PFKFB3: variants seen among roughly 807,000 people sequenced by gnomAD.
PFKFB3 encodes the protein 6-phosphofructo-2-kinase/fructose-2,6-bisphosphatase 3.
A neutral mutation model predicts 68.0 loss-of-function variants in PFKFB3; 33 were observed. The observed-to-expected ratio is 0.49, with a 90% CI of 0.37 to 0.65. The LOEUF (loss-of-function observed/expected upper bound fraction) is 0.65, where lower values mean the gene tolerates loss of function less well. Ranked by LOEUF, PFKFB3 falls within the 30% of genes least tolerant of loss-of-function variation. PFKFB3 has a pLI of 0.00. For synonymous variants in PFKFB3, 315 were observed against 288.2 expected (o/e 1.09, Z -0.94); for missense variants, 586 against 712.2 (o/e 0.82, Z 2.02).
At chr10:6,199,526 C>T (rs1199081835), upstream of PFKFB3, among the ~76,000 whole-genome samples, 3 of 150,956 alleles carry the variant, frequency 2.0e-5, no homozygotes, top group Non-Finnish European at 2.9e-5. Context: ...ACTCTGTCAC[C>T]CAGGCTGGAG....
the PFKFB3 span, among the ~76,000 whole-genome samples, chr10:6,307,454 A>G: frequency 1.3e-5 from 2 of 152,164 alleles, no homozygotes; most frequent in East Asian, 3.9e-4. Context: ...GAACATTTCT[A>G]TGTACTGAGA....
rs1464275338 is a variant in PFKFB3 at position 6,220,378 on chromosome 10, C to T, written c.624-280C>T. 3.3e-5 allele frequency among the ~76,000 whole-genome samples: 5 copies of T among 152,214 alleles called. No individual in the cohort carries two copies. Among genetic ancestry groups the T allele is most frequent in the South Asian group, 2.1e-4 (1 of 4,832 alleles). On this transcript the variant is annotated intron_variant, in intron 7 of 14. Coordinates refer to ENST00000379775, the MANE Select transcript of PFKFB3 (RefSeq NM_004566.4). The surrounding 1 kb of genome is among the most constrained non-coding windows in gnomAD (Gnocchi z 4.1). Reference sequence around the variant, plus strand: ...TCGGCCTCCCAAAGTGCTGGGATTACAGGCATGAGCCACTGCACAGGCCCC... The same window carrying T: ...TCGGCCTCCCAAAGTGCTGGGATTATAGGCATGAGCCACTGCACAGGCCCC...
the PFKFB3 span, among the ~76,000 whole-genome samples, chr10:6,302,827 A>T: frequency 2.0e-5 from 3 of 151,640 alleles, no homozygotes; most frequent in South Asian, 6.3e-4. Flanking sequence ...TGTGTGTTTT[A>T]TGTGATCTTT....
rs1212125294 is a variant in PFKFB3 at position 6,151,326 on chromosome 10, GCTGTA to G, written c.16+6314_16+6318del. 4.7e-3 allele frequency among the ~76,000 whole-genome samples: 711 copies of G among 152,024 alleles called. 5 individuals are homozygous for G. Among genetic ancestry groups the G allele is most frequent in the African/African-American group, 0.015 (637 of 41,464 alleles). On this transcript the variant is annotated intron_variant, in intron 1 of 14. Coordinates refer to the PFKFB3 transcript ENST00000379789. ...GGCACTTCCGCAAGCAGCCTTTCCA[GCTGTA>G]GCTCCGGAAGGTGCTCTGACATGAC...
the PFKFB3 span, among the ~76,000 whole-genome samples, chr10:6,279,994 A>G: frequency 1.3e-5 from 2 of 152,146 alleles, no homozygotes; most frequent in African/African-American, 2.4e-5. Context: ...ATAGGACCGG[A>G]TAGCTTTGGG....
chr10:6,221,173 G>A (rs569458806), intron 8 of PFKFB3, among the ~76,000 whole-genome samples: 4 of 152,216 alleles, frequency 2.6e-5, no homozygotes, highest in Admixed American at 2.0e-4. Context: ...TGATGTGTGC[G>A]CGGTTGTGCA....
the PFKFB3 span, among the ~76,000 whole-genome samples, chr10:6,269,049 A>G: frequency 6.6e-6 from 1 of 151,502 alleles, no homozygotes; most frequent in Non-Finnish European, 1.5e-5. Flanking sequence ...AAAAAAAGTT[A>G]AAGATTTTTA....
chr10:6,310,773 C>G, the PFKFB3 span, among the ~76,000 whole-genome samples: 1 of 151,872 alleles, frequency 6.6e-6, no homozygotes, highest in Non-Finnish European at 1.5e-5. Flanking sequence ...CATGTATGCT[C>G]GTAAATAAAG....
Position 6,213,603 on chromosome 10 carries a change from C to T in PFKFB3, c.77-20C>T. The T allele has an allele frequency of 6.2e-7, 1 of 1,608,456 alleles. No homozygotes were observed. Among genetic ancestry groups the T allele is most frequent in the Non-Finnish European group, 8.5e-7 (1 of 1,176,796 alleles). ...CCGGTCACTTGGTTGATGACACACC[C>T]TTCTTGCTTGTTTTTCCAGCCTGTG... On this transcript the variant is annotated intron_variant, in intron 1 of 14. Coordinates refer to ENST00000379775, the MANE Select transcript of PFKFB3 (RefSeq NM_004566.4).
chr10:6,294,987 T>TA, the PFKFB3 span, among the ~76,000 whole-genome samples: 1 of 151,470 alleles, frequency 6.6e-6, no homozygotes, highest in Non-Finnish European at 1.5e-5. Context: ...TTTTTTTTTT[T>TA]ATCATGCCTT....
At chr10:6,313,366 A>G in the PFKFB3 span, among the ~76,000 whole-genome samples, 1 of 152,200 alleles carries the variant, frequency 6.6e-6, no homozygotes, top group African/African-American at 2.4e-5. The surrounding 1 kb of genome is among the most constrained non-coding windows in gnomAD (Gnocchi z 4.2). Context: ...TATCACTATC[A>G]GTAGTTTATG....
intron 1 of PFKFB3, among the ~76,000 whole-genome samples, chr10:6,182,491 G>T (rs529069310): frequency 6.6e-6 from 1 of 152,206 alleles, no homozygotes; most frequent in Non-Finnish European, 1.5e-5. Context: ...AGAATGAGGG[G>T]CCTTTGAAGT....
At position 6,235,155 on chromosome 10, in the gene PFKFB3, C is replaced by T. The variant is rs1845962315; in HGVS notation, c.*2213C>T. The T allele has an allele frequency of 6.5e-6, 1 of 152,816 alleles. No individual in the cohort carries two copies. The highest frequency in any genetic ancestry group is 1.5e-5 in the Non-Finnish European group (1 of 68,026). 9.5% of individuals were successfully genotyped at this position (152,816 alleles called of 1,614,324 possible). The stretch of plus-strand genomic sequence containing the variant: ...TATTTGTTTTTGGGTGAGTTTCCCC[C>T]CTCCTTATTCTGTCCTGAGACCACG... On this transcript the variant is annotated 3_prime_UTR_variant, in exon 15 of 15. Transcript: ENST00000379775.
At chr10:6,173,219 C>T (rs191474319) in intron 1 of PFKFB3, among the ~76,000 whole-genome samples, 63 of 152,318 alleles carry the variant, frequency 4.1e-4, no homozygotes, top group African/African-American at 1.4e-3. Flanking sequence ...GGCATTTCCA[C>T]AGCAGAAACT....
intron 1 of PFKFB3, among the ~76,000 whole-genome samples, chr10:6,177,691 A>G (rs926089166): frequency 6.6e-6 from 1 of 151,254 alleles, no homozygotes; most frequent in African/African-American, 2.4e-5. Flanking sequence ...ATGCTGAGCT[A>G]ATTTTGTTTT....
At chr10:6,224,859 A>T (rs2132006029) in intron 13 of PFKFB3, among the ~76,000 whole-genome samples, 1 of 152,124 alleles carries the variant, frequency 6.6e-6, no homozygotes, top group South Asian at 2.1e-4. Flanking sequence ...CAGTGCTTTC[A>T]GTTTCCAGAG....
chr10:6,158,665 A>G (rs1042163453), intron 1 of PFKFB3, among the ~76,000 whole-genome samples: 1 of 152,168 alleles, frequency 6.6e-6, no homozygotes, highest in African/African-American at 2.4e-5. Flanking sequence ...CAGGAGTTCA[A>G]GACCAGCCTG....
chr10:6,225,810 C>T (rs1340025471), intron 13 of PFKFB3, among the ~76,000 whole-genome samples: 1 of 152,192 alleles, frequency 6.6e-6, no homozygotes, highest in Non-Finnish European at 1.5e-5. Flanking sequence ...CTGTGAGCCT[C>T]AGGCCCAGCC....
Position 6,220,620 on chromosome 10 carries a change from T to TG in PFKFB3, c.624-36dup, listed in dbSNP as rs1844885821. 2 of 1,586,180 alleles carry TG rather than the reference T, an allele frequency of 1.3e-6. No homozygotes were observed. Among genetic ancestry groups the TG allele is most frequent in the Admixed American group, 1.7e-5 (1 of 59,822 alleles). On this transcript the variant is annotated intron_variant, in intron 7 of 14. Coordinates refer to ENST00000379775, the MANE Select transcript of PFKFB3 (RefSeq NM_004566.4). The surrounding 1 kb of genome is among the most constrained non-coding windows in gnomAD (Gnocchi z 4.1). ...GCCAGGTGCATCCTGCTGTGGGTGGTGGCCTGAGCTGTGGTTCTCGGTGGG... is the reference window on the plus strand; with the variant it reads ...GCCAGGTGCATCCTGCTGTGGGTGGTGGGCCTGAGCTGTGGTTCTCGGTGGG...
Sources: gnomAD v4.1 joint callset for allele counts (sites outside exome capture counted in the v4.1 genomes callset) on GRCh38, gnomAD v4.1.1 for gene constraint, Gnocchi (gnomAD v3.1) non-coding constraint, MANE v1.5 for transcripts, NCBI Gene and HGNC (gene_info 2026-07-23, HGNC 2026-07-21) for gene names.